The following JAKMIP1 variants were observed in gnomAD, a reference collection of about 807,000 sequenced individuals.
JAKMIP1 encodes the protein janus kinase and microtubule-interacting protein 1.
JAKMIP1 carries 33 observed loss-of-function variants against 113.0 expected under a neutral mutation model. The observed-to-expected ratio is 0.29, with a 90% CI of 0.22 to 0.39. The LOEUF is 0.39. JAKMIP1 is among the 10% of genes least tolerant of loss of function. The pLI is 1.00. For synonymous variants in JAKMIP1, 480 were observed against 459.9 expected (o/e 1.04, Z -0.56); for missense variants, 813 against 1,080.5 (o/e 0.75, Z 3.47).
At position 6,040,017 on chromosome 4, in the gene JAKMIP1, C is replaced by T. The variant is rs6446443; in HGVS notation, c.2175+622G>A. On this transcript the variant is annotated intron_variant, in intron 18 of 20. Transcript: ENST00000409021. The surrounding 1 kb of genome is among the most constrained non-coding windows in gnomAD (Gnocchi z 5.8). ...GGAATGACATTGAACTCTAAATTCTCTCTCCTGCAGCGACAAGTTTCTATG... is the reference window on the plus strand; with the variant it reads ...GGAATGACATTGAACTCTAAATTCTTTCTCCTGCAGCGACAAGTTTCTATG... Among the ~76,000 whole-genome samples, 22,480 of 152,230 alleles carry T rather than the reference C, an allele frequency of 0.15. 1,996 individuals carry two copies. The highest frequency in any genetic ancestry group is 0.25 in the African/African-American group (10,325 of 41,518).
rs1266471907 is a variant in JAKMIP1 at position 6,050,856 on chromosome 4, A to G, written c.1807-177T>C. On this transcript the variant is annotated intron_variant, in intron 13 of 20. Coordinates refer to ENST00000409021, the MANE Select transcript of JAKMIP1 (RefSeq NM_001099433.2). The surrounding 1 kb of genome is among the most constrained non-coding windows in gnomAD (Gnocchi z 7.4). ...AGCTACGACGTTTTCACGCCTTCCC[A>G]CGCAGCAGTTCTCCATGGAAATGTG... is the stretch of plus-strand genomic sequence containing the variant. Among the ~76,000 whole-genome samples the G allele has an allele frequency of 6.6e-6, 1 of 152,176 alleles. No homozygotes were observed. Among genetic ancestry groups the G allele is most frequent in the East Asian group, 1.9e-4 (1 of 5,194 alleles).
intron 2 of JAKMIP1, 79 bp downstream of exon 2, chr4:6,112,643 C>T (rs1715133386): frequency 6.5e-7 from 1 of 1,537,406 alleles, no homozygotes; most frequent in Non-Finnish European, 8.8e-7. Context: ...ACAGGCTCTT[C>T]ACACACATGC....
chr4:6,127,669 C>T (rs1466888995), intron 1 of JAKMIP1, among the ~76,000 whole-genome samples: 1 of 152,208 alleles, frequency 6.6e-6, no homozygotes, highest in Non-Finnish European at 1.5e-5. Flanking sequence ...GAAGGCCCCA[C>T]AGGCCACATC....
chr4:6,152,692 A>G (rs994588067), intron 1 of JAKMIP1, among the ~76,000 whole-genome samples: 1 of 151,600 alleles, frequency 6.6e-6, no homozygotes, highest in African/African-American at 2.4e-5. Context: ...CTGTAATCCC[A>G]GCACTTTGGG....
rs913718202 is a variant in JAKMIP1 at position 6,105,723 on chromosome 4, G to A, written c.374C>T (p.Ala125Val). 1.2e-6 allele frequency: 2 copies of A among 1,601,478 alleles called. No individual in the cohort carries two copies. Among genetic ancestry groups the A allele is most frequent in the East Asian group, 2.2e-5 (1 of 44,700 alleles). ...ATLNVLRDGAADKVKTALLTE... is the reference protein window; with the variant it reads ...ATLNVLRDGAVDKVKTALLTE... ...CAGCAGCGCCGTCTTGACCTTGTCGGCCGCGCCGTCGCGCAGCACGTTCAG... is the reference window on the plus strand; with the variant it reads ...CAGCAGCGCCGTCTTGACCTTGTCGACCGCGCCGTCGCGCAGCACGTTCAG... Residue 125 changes from alanine (A) to valine (V), a missense_variant, in exon 3 of 21, where the codon GCC (alanine) becomes GTC (valine). By Grantham distance (64) the Ala-to-Val change is moderately conservative. Around this residue, in one of 2 missense-constraint regions of JAKMIP1, gnomAD observed 540 missense variants for 653.9 expected, o/e 0.83. Coordinates refer to ENST00000409021, the MANE Select transcript of JAKMIP1 (RefSeq NM_001099433.2).
chr4:6,095,777 A>G (rs898100114), intron 3 of JAKMIP1, among the ~76,000 whole-genome samples: 3 of 151,452 alleles, frequency 2.0e-5, no homozygotes, highest in Non-Finnish European at 2.9e-5. Context: ...TGTTGTTTGC[A>G]CAGAGGCGGG....
Position 6,110,041 on chromosome 4 carries a change from C to A in JAKMIP1, c.129+2681G>T, listed in dbSNP as rs146061996. ...CAGCCTGGTAACAGGGAGGCCCAGC[C>A]TGGGGTCCGCATGGGCCTGGCTTTC... is the stretch of plus-strand genomic sequence containing the variant. On this transcript the variant is annotated intron_variant, in intron 2 of 20. Transcript: ENST00000409021. 2.4e-3 allele frequency among the ~76,000 whole-genome samples: 363 copies of A among 152,270 alleles called. 2 individuals are homozygous for A. Among genetic ancestry groups the A allele is most frequent in the African/African-American group, 8.1e-3 (337 of 41,564 alleles).
chr4:6,112,626 T>C, intron 2 of JAKMIP1, 96 bp downstream of exon 2: 16 of 1,404,380 alleles, frequency 1.1e-5, no homozygotes, highest in African/African-American at 2.8e-5. Flanking sequence ...TCGGCCCCCC[T>C]CCTGGAACAG....
chr4:6,026,246 T>C lies in JAKMIP1; in HGVS notation c.2478A>G (p.Ala826=), dbSNP rs1448957883. The change falls in exon 21 of 21, where the codon GCA becomes GCG. Residue 826 remains alanine, a synonymous_variant. Transcript: ENST00000409021. ...FLFLFLFFSL[A]FILWP ...GAAGTCATCAAGGCCACAGAATGAA[T>C]GCTAGTGAGAAAAACAAAAAAAGGA... The C allele has an allele frequency of 3.2e-6, 5 of 1,545,422 alleles. No individual in the cohort carries two copies. The highest frequency in any genetic ancestry group is 2.8e-5 in the African/African-American group (2 of 72,542).
At chr4:6,099,906 G>A (rs999820941) in intron 3 of JAKMIP1, among the ~76,000 whole-genome samples, 9 of 152,156 alleles carry the variant, frequency 5.9e-5, no homozygotes, top group African/African-American at 9.7e-5. Context: ...GGATGCTACC[G>A]AGGGGCACGG....
intron 1 of JAKMIP1, among the ~76,000 whole-genome samples, chr4:6,169,539 T>C (rs1724078442): frequency 6.6e-6 from 1 of 151,756 alleles, no homozygotes; most frequent in Non-Finnish European, 1.5e-5. Context: ...TCTAGAACTG[T>C]GAGAGAATGC....
At position 6,170,944 on chromosome 4, in the gene JAKMIP1, C is replaced by A. The variant is rs114005122; in HGVS notation, c.-148+29309G>T. On this transcript the variant is annotated intron_variant, in intron 1 of 20. Transcript: ENST00000409021. ...CCTTTCTTACCATCACCACCACCAC[C>A]AGCATCCCCATCACCATAACCCACC... 7.8e-3 allele frequency among the ~76,000 whole-genome samples: 1,181 copies of A among 150,864 alleles called. 13 individuals are homozygous for A. The highest frequency in any genetic ancestry group is 0.028 in the African/African-American group (1,144 of 41,008).
intron 1 of JAKMIP1, among the ~76,000 whole-genome samples, chr4:6,130,899 C>A (rs57834495): frequency 1.3e-5 from 2 of 151,970 alleles, no homozygotes; most frequent in East Asian, 3.9e-4. Context: ...GACAGTCAGG[C>A]GCGATGGTTC....
intron 1 of JAKMIP1, among the ~76,000 whole-genome samples, chr4:6,124,557 C>A (rs1717153746): frequency 6.6e-6 from 1 of 152,208 alleles, no homozygotes; most frequent in African/African-American, 2.4e-5. Flanking sequence ...GTGGCCTCCC[C>A]TGGTCTAGGC....
intron 1 of JAKMIP1, among the ~76,000 whole-genome samples, chr4:6,126,550 AACAC>A (rs1184622971): frequency 7.5e-6 from 1 of 133,220 alleles, no homozygotes; most frequent in Non-Finnish European, 1.6e-5. Flanking sequence ...CACACACACA[AACAC>A]ACACCATGCA....
Position 6,188,708 on chromosome 4 carries a change from T to C in JAKMIP1, c.-148+11545A>G, listed in dbSNP as rs939084726. Among the ~76,000 whole-genome samples the C allele has an allele frequency of 6.6e-6, 1 of 152,158 alleles. No homozygotes were observed. The highest frequency in any genetic ancestry group is 2.4e-5 in the African/African-American group (1 of 41,448). On this transcript the variant is annotated intron_variant, in intron 1 of 20. Coordinates refer to ENST00000409021, the MANE Select transcript of JAKMIP1 (RefSeq NM_001099433.2). This position sits in a 1 kb window ranked among gnomAD's most constrained non-coding sequence, Gnocchi z 5.8. ...GGCTAGAGCACCCCAATTTTTAATA[T>C]CCTATCCAGCAATAAGACTTGTTTG...
intron 16 of JAKMIP1, among the ~76,000 whole-genome samples, chr4:6,046,982 A>G (rs1715084704): frequency 6.6e-6 from 1 of 152,206 alleles, no homozygotes; most frequent in African/African-American, 2.4e-5. Context: ...CCCGGTCCAC[A>G]GGCATTGACC....
chr4:6,189,936 G>A (rs1560350983), intron 1 of JAKMIP1, among the ~76,000 whole-genome samples: 1 of 152,238 alleles, frequency 6.6e-6, no homozygotes, highest in South Asian at 2.1e-4. Context: ...GGCGTGGCAG[G>A]AGAGGGAGGC....
intron 3 of JAKMIP1, among the ~76,000 whole-genome samples, chr4:6,087,265 C>A (rs1425729597): frequency 6.6e-6 from 1 of 152,144 alleles, no homozygotes. Flanking sequence ...CGCCCACCCC[C>A]CAACCCTGAC....
Sources: allele counts gnomAD v4.1 joint callset (sites outside exome capture counted in the v4.1 genomes callset), GRCh38; gene constraint gnomAD v4.1.1; regional missense constraint gnomAD v4.1.1; non-coding constraint Gnocchi (gnomAD v3.1); transcripts MANE v1.5; gene names NCBI Gene and HGNC (gene_info 2026-07-23, HGNC 2026-07-21).